Variants in PARD3B observed in about 807,000 individuals in gnomAD.
The protein encoded by PARD3B is partitioning defective 3 homolog B.
In PARD3B, 103 loss-of-function variants were observed where a neutral mutation model predicts 130.2. That is an observed-to-expected ratio of 0.79 (90% CI 0.67 to 0.93). PARD3B has a LOEUF of 0.93. Ranked by LOEUF, PARD3B falls within the 40% of genes least tolerant of loss-of-function variation. PARD3B has a pLI of 0.00. For synonymous variants in PARD3B, 583 were observed against 553.2 expected (o/e 1.05, Z -0.76); for missense variants, 1,609 against 1,499.2 (o/e 1.07, Z -1.21).
chr2:204,646,751 C>T (rs1401980874), intron 1 of PARD3B, among the ~76,000 whole-genome samples: 1 of 151,992 alleles, frequency 6.6e-6, no homozygotes, highest in African/African-American at 2.4e-5. Context: ...TCTTCCACAT[C>T]CTAGAGTATG....
At chr2:205,331,291 G>A (rs201295249) in intron 18 of PARD3B, among the ~76,000 whole-genome samples, 5 of 65,498 alleles carry the variant, frequency 7.6e-5, no homozygotes, top group Non-Finnish European at 1.0e-4. Flanking sequence ...ACACACACAC[G>A]TACACATACA....
chr2:204,745,228 A>G (rs2040166602), intron 2 of PARD3B, among the ~76,000 whole-genome samples: 1 of 152,058 alleles, frequency 6.6e-6, no homozygotes. Context: ...CCGTGGTAGC[A>G]TTTCCTTGGA....
In PARD3B at chr2:205,309,391, T is replaced by C. The variant is rs758175381; in HGVS notation, c.2630+7690T>C. ...TCAGACAAAGCTAAATCATGAACCC[T>C]TGAGGCAAAGGTATTTTTAACAATC... On this transcript the variant is annotated intron_variant, in intron 18 of 22. Transcript: ENST00000406610. This position sits in a 1 kb window ranked among gnomAD's most constrained non-coding sequence, Gnocchi z 4.7. Among the ~76,000 whole-genome samples the C allele has an allele frequency of 2.0e-5, 3 of 152,222 alleles. No individual in the cohort carries two copies. Among genetic ancestry groups the C allele is most frequent in the Non-Finnish European group, 4.4e-5 (3 of 68,036 alleles).
At chr2:204,780,494 C>A (rs2041797716) in intron 2 of PARD3B, among the ~76,000 whole-genome samples, 1 of 152,038 alleles carries the variant, frequency 6.6e-6, no homozygotes, top group Admixed American at 6.6e-5. Flanking sequence ...TTATAAACAA[C>A]AGAAATGTGT....
intron 22 of PARD3B, among the ~76,000 whole-genome samples, chr2:205,604,996 T>C (rs1054248494): frequency 3.3e-5 from 5 of 152,220 alleles, no homozygotes; most frequent in Admixed American, 6.5e-5. Flanking sequence ...TCTTGGTCAA[T>C]TGAGCTATTG....
chr2:205,304,960 A>G (rs1023652734), intron 18 of PARD3B, among the ~76,000 whole-genome samples: 2 of 152,198 alleles, frequency 1.3e-5, no homozygotes, highest in African/African-American at 2.4e-5. Flanking sequence ...ATTAAAATTA[A>G]AAAGAACAAA....
At chr2:204,871,171 T>A (rs950295704) in intron 2 of PARD3B, among the ~76,000 whole-genome samples, 1 of 152,192 alleles carries the variant, frequency 6.6e-6, no homozygotes, top group African/African-American at 2.4e-5. Context: ...TCACATTAAT[T>A]GTTTAGTATT....
At chr2:204,947,756 A>G (rs1164373152) in intron 2 of PARD3B, among the ~76,000 whole-genome samples, 1 of 152,026 alleles carries the variant, frequency 6.6e-6, no homozygotes, top group African/African-American at 2.4e-5. Context: ...TTATGAAATA[A>G]CACCTTTGTT....
intron 11 of PARD3B, among the ~76,000 whole-genome samples, chr2:205,165,027 C>A (rs1293209808): frequency 6.6e-6 from 1 of 152,082 alleles, no homozygotes; most frequent in Admixed American, 6.6e-5. Flanking sequence ...TGCATAAAAA[C>A]CACCACCAAG....
chr2:205,260,818 A>G (rs541361887), intron 16 of PARD3B, among the ~76,000 whole-genome samples: 1 of 152,220 alleles, frequency 6.6e-6, no homozygotes, highest in Admixed American at 6.5e-5. Context: ...TGCTTAAGGA[A>G]ATGTATCAGG....
intron 2 of PARD3B, among the ~76,000 whole-genome samples, chr2:204,889,782 C>A (rs2046384116): frequency 6.6e-6 from 1 of 152,176 alleles, no homozygotes; most frequent in African/African-American, 2.4e-5. Context: ...CTTTTTACAT[C>A]CAGTTCACCA....
At chr2:204,721,135 C>T (rs920762019) in intron 2 of PARD3B, among the ~76,000 whole-genome samples, 2 of 152,138 alleles carry the variant, frequency 1.3e-5, no homozygotes, top group African/African-American at 4.8e-5. Context: ...GGCAAGTATA[C>T]AGCTAAAACT....
intron 8 of PARD3B, among the ~76,000 whole-genome samples, chr2:205,123,707 G>C (rs2031043177): frequency 6.7e-6 from 1 of 148,716 alleles, no homozygotes; most frequent in East Asian, 2.0e-4. Context: ...TAGACCAACA[G>C]AGATGGTCGC....
At position 204,799,323 on chromosome 2, in the gene PARD3B, A is replaced by C. The variant is rs1277096962; in HGVS notation, c.222+113041A>C. 6.6e-6 allele frequency among the ~76,000 whole-genome samples: 1 copy of C among 152,222 alleles called. No individual in the cohort carries two copies. Among genetic ancestry groups the C allele is most frequent in the Non-Finnish European group, 1.5e-5 (1 of 68,026 alleles). ...AGGGAAGAGTGGGGAGGACTTTGTC[A>C]TGTGGCTTGAATGCCAGCACAGCTG... On this transcript the variant is annotated intron_variant, in intron 2 of 22. Coordinates refer to ENST00000406610, the MANE Select transcript of PARD3B (RefSeq NM_001302769.2). This position sits in a 1 kb window ranked among gnomAD's most constrained non-coding sequence, Gnocchi z 4.1.
chr2:205,176,565 G>A lies in PARD3B; in HGVS notation c.1912G>A (p.Asp638Asn), dbSNP rs374936332. The change falls in exon 13 of 23, where the codon GAC (aspartate) becomes AAC (asparagine). Residue 638 changes from aspartate (D) to asparagine (N), a missense_variant. By Grantham distance (23) the Asp-to-Asn change is conservative. Coordinates refer to ENST00000406610, the MANE Select transcript of PARD3B (RefSeq NM_001302769.2). The surrounding 1 kb of genome is among the most constrained non-coding windows in gnomAD (Gnocchi z 5.3). Reference sequence around the variant, plus strand: ...TCCACTTGGCACTTGCAGTCCACAAGACAAACAGAAAGGTAAGAGTCTATT... The same window carrying A: ...TCCACTTGGCACTTGCAGTCCACAAAACAAACAGAAAGGTAAGAGTCTATT... ...LHPLGTCSPQ[D>N]KQKGLLLPND... 1.3e-6 allele frequency: 2 copies of A among 1,598,784 alleles called. No homozygotes were observed. Among genetic ancestry groups the A allele is most frequent in the South Asian group, 2.2e-5 (2 of 89,220 alleles).
chr2:205,002,318 C>T (rs1694911911), intron 3 of PARD3B, among the ~76,000 whole-genome samples: 2 of 152,188 alleles, frequency 1.3e-5, no homozygotes, highest in African/African-American at 4.8e-5. Flanking sequence ...TCTGACATTT[C>T]AGACAGACCA....
intron 1 of PARD3B, among the ~76,000 whole-genome samples, chr2:204,650,822 C>CCT (rs1346057646): frequency 6.6e-6 from 1 of 151,872 alleles, no homozygotes; most frequent in African/African-American, 2.4e-5. Context: ...GCCTGGGAGG[C>CCT]CTCAGGACTC....
intron 2 of PARD3B, among the ~76,000 whole-genome samples, chr2:204,775,979 T>G (rs1404697109): frequency 1.3e-5 from 2 of 152,236 alleles, no homozygotes; most frequent in East Asian, 3.8e-4. Flanking sequence ...ATTGTCATAT[T>G]TAACTCTTCT....
At chr2:205,306,118 G>A (rs1393266558) in intron 18 of PARD3B, among the ~76,000 whole-genome samples, 1 of 152,172 alleles carries the variant, frequency 6.6e-6, no homozygotes, top group South Asian at 2.1e-4. Context: ...TGGCTTTCAA[G>A]ATGGAGGGAG....
Sources: allele counts gnomAD v4.1 joint callset (sites outside exome capture counted in the v4.1 genomes callset), GRCh38; gene constraint gnomAD v4.1.1; non-coding constraint Gnocchi (gnomAD v3.1); transcripts MANE v1.5; gene names NCBI Gene and HGNC (gene_info 2026-07-23, HGNC 2026-07-21).